MRTFA: variants seen among roughly 807,000 people sequenced by gnomAD.
The protein encoded by MRTFA is myocardin related transcription factor A, also known as myocardin-related transcription factor A.
Under a neutral mutation model 83.5 loss-of-function variants are expected in MRTFA, and 20 were observed. The observed-to-expected ratio is 0.24, with a 90% confidence interval of 0.17 to 0.35. The LOEUF is 0.35. Ranked by LOEUF, MRTFA falls within the 10% of genes least tolerant of loss-of-function variation. The probability of loss-of-function intolerance (pLI) is 1.00; values close to 1 mark genes in which losing one functional copy is unlikely to be tolerated. For synonymous variants in MRTFA, 659 were observed against 541.2 expected (o/e 1.22, Z -3.02); for missense variants, 1,200 against 1,224.7 (o/e 0.98, Z 0.30).
intron 3 of MRTFA, among the ~76,000 whole-genome samples, chr22:40,481,050 G>A (rs2147184879): frequency 6.6e-6 from 1 of 152,244 alleles, no homozygotes; most frequent in South Asian, 2.1e-4. Context: ...TGAGGCTGCA[G>A]TGAGCCATGA....
intron 3 of MRTFA, among the ~76,000 whole-genome samples, chr22:40,471,443 T>A (rs763480819): frequency 7.2e-5 from 11 of 151,820 alleles, no homozygotes; most frequent in Non-Finnish European, 1.5e-4. Flanking sequence ...GTCAAATTCC[T>A]AGGAAGGCAT....
At position 40,486,816 on chromosome 22, in the gene MRTFA, C is replaced by T. The variant is rs541732832; in HGVS notation, c.242-23530G>A. ...GCAACACGGCAAAACCCCATCTCTA[C>T]AAAAAAATTAGCTGGGCATGGTGGC... On this transcript the variant is annotated intron_variant, in intron 3 of 14. Coordinates refer to ENST00000355630, the MANE Select transcript of MRTFA (RefSeq NM_020831.6). Among the ~76,000 whole-genome samples the T allele has an allele frequency of 4.6e-5, 7 of 152,190 alleles. No homozygotes were observed. In the South Asian group the frequency reaches 8.3e-4, roughly 18 times the overall value.
intron 9 of MRTFA, among the ~76,000 whole-genome samples, chr22:40,423,171 T>A (rs1483638257): frequency 2.6e-5 from 4 of 152,336 alleles, no homozygotes; most frequent in South Asian, 4.1e-4. Flanking sequence ...CAGTGGCACC[T>A]CCTGCATGAC....
At chr22:40,428,025 C>T (rs1569258924) in intron 7 of MRTFA, among the ~76,000 whole-genome samples, 1 of 152,212 alleles carries the variant, frequency 6.6e-6, no homozygotes, top group Non-Finnish European at 1.5e-5. Flanking sequence ...CACCCCACGA[C>T]ACTGTGCCAT....
intron 3 of MRTFA, chr22:40,526,307 A>G (rs1178458442): frequency 6.6e-6 from 1 of 152,214 alleles, no homozygotes; most frequent in African/African-American, 2.4e-5. Context: ...CGCTGGGATT[A>G]TAGGTGTGAG....
At chr22:40,528,761 GT>G (rs1602388735) in intron 3 of MRTFA, among the ~76,000 whole-genome samples, 3 of 147,002 alleles carry the variant, frequency 2.0e-5, no homozygotes, top group Non-Finnish European at 4.5e-5. Flanking sequence ...AAAAAAGTAT[GT>G]TTTTTTAAAG....
chr22:40,597,843 C>T (rs970118481), intron 1 of MRTFA, among the ~76,000 whole-genome samples: 16 of 152,112 alleles, frequency 1.1e-4, no homozygotes, highest in Non-Finnish European at 1.8e-4. Context: ...TTATACATGC[C>T]CATGTTCATT....
intron 4 of MRTFA, among the ~76,000 whole-genome samples, chr22:40,451,824 A>C (rs998400984): frequency 6.6e-6 from 1 of 152,110 alleles, no homozygotes; most frequent in Non-Finnish European, 1.5e-5. Flanking sequence ...CTTTTTGGCA[A>C]AGTGCAAACC....
intron 2 of MRTFA, among the ~76,000 whole-genome samples, chr22:40,571,688 G>T (rs1256562873): frequency 6.6e-6 from 1 of 151,770 alleles, no homozygotes; most frequent in Non-Finnish European, 1.5e-5. Context: ...AGAGGCCGAG[G>T]TAAGTCGATC....
At chr22:40,635,182 A>G (rs1432139785) in intron 1 of MRTFA, among the ~76,000 whole-genome samples, 4 of 152,244 alleles carry the variant, frequency 2.6e-5, no homozygotes, top group Non-Finnish European at 5.9e-5. Context: ...ACTTCCAGCC[A>G]AAGGTTCCCC....
intron 3 of MRTFA, among the ~76,000 whole-genome samples, chr22:40,492,661 A>C (rs2054289673): frequency 6.6e-6 from 1 of 152,200 alleles, no homozygotes; most frequent in African/African-American, 2.4e-5. Context: ...AAATGGAACA[A>C]GGAGCTATAA....
Position 40,420,467 on chromosome 22 carries a change from G to T in MRTFA, c.1291C>A (p.Gln431Lys). The T allele has an allele frequency of 6.2e-7, 1 of 1,613,800 alleles. No individual in the cohort carries two copies. Among genetic ancestry groups the T allele is most frequent in the Non-Finnish European group, 8.5e-7 (1 of 1,180,034 alleles). ...TTGCCAGTCAGTGAGGTGCTGTTCT[G>T]ACGTGCCAGCCCACAGGGCCCAGGG... is the stretch of plus-strand genomic sequence containing the variant. Residue 431 changes from glutamine to lysine, a missense_variant, in exon 11 of 15, where the codon CAG becomes AAG. Physicochemically the swap from Gln to Lys is moderately conservative, Grantham distance 53. Transcript: ENST00000355630.
chr22:40,448,630 A>G (rs1236610048), intron 4 of MRTFA, among the ~76,000 whole-genome samples: 1 of 152,194 alleles, frequency 6.6e-6, no homozygotes, highest in Non-Finnish European at 1.5e-5. Context: ...AATATTGGCA[A>G]TGAGACAGCA....
At chr22:40,481,251 G>A (rs772400381) in intron 3 of MRTFA, among the ~76,000 whole-genome samples, 3 of 152,172 alleles carry the variant, frequency 2.0e-5, no homozygotes, top group Non-Finnish European at 4.4e-5. Flanking sequence ...CTCCACAAAA[G>A]CAGAGAGCAT....
chr22:40,475,453 C>T (rs2053977148), intron 3 of MRTFA, among the ~76,000 whole-genome samples: 1 of 151,990 alleles, frequency 6.6e-6, no homozygotes, highest in South Asian at 2.1e-4. Flanking sequence ...AGGAGAATGG[C>T]TTGAATCTGG....
At chr22:40,537,010 G>C (rs2055191823) in intron 3 of MRTFA, among the ~76,000 whole-genome samples, 1 of 60,066 alleles carries the variant, frequency 1.7e-5, no homozygotes, top group Non-Finnish European at 3.3e-5. Context: ...CCGGGAGGGA[G>C]GTGGGGGGGG....
In MRTFA at chr22:40,533,730, C is replaced by T. The variant is rs555565271; in HGVS notation, c.241+18376G>A. The T allele has an allele frequency of 4.6e-5, 29 of 632,496 alleles. No homozygotes were observed. In the South Asian group the frequency reaches 2.2e-3, roughly 48 times the overall value. The allele number at this position is 632,496 out of a possible 1,614,324, so 39.2% of individuals were successfully genotyped here. The stretch of plus-strand genomic sequence containing the variant: ...TCTTGAAAGCTTTCACAAATTCAAT[C>T]TGATGCCTTATGCTCAAATCAGACT... On this transcript the variant is annotated intron_variant, in intron 3 of 14. Coordinates refer to ENST00000355630, the MANE Select transcript of MRTFA (RefSeq NM_020831.6).
At chr22:40,617,780 T>C (rs2056471673) in intron 1 of MRTFA, among the ~76,000 whole-genome samples, 1 of 150,576 alleles carries the variant, frequency 6.6e-6, no homozygotes, top group African/African-American at 2.4e-5. Flanking sequence ...ATTAGGAGAA[T>C]AATGTCCTAC....
At chr22:40,560,969 G>A (rs767745441) in intron 2 of MRTFA, among the ~76,000 whole-genome samples, 5 of 152,142 alleles carry the variant, frequency 3.3e-5, no homozygotes, top group Non-Finnish European at 5.9e-5. Flanking sequence ...ATGACAAAAA[G>A]GTGGTTCTAT....
Sources: gnomAD v4.1 joint callset for allele counts (sites outside exome capture counted in the v4.1 genomes callset) on GRCh38, gnomAD v4.1.1 for gene constraint, MANE v1.5 for transcripts, NCBI Gene and HGNC (gene_info 2026-07-23, HGNC 2026-07-21) for gene names.